TPH2: variants seen among roughly 807,000 people sequenced by gnomAD.
TPH2 encodes the protein tryptophan hydroxylase 2.
In TPH2, 27 loss-of-function variants were observed where a neutral mutation model predicts 59.1. The observed-to-expected ratio is 0.46, with a 90% confidence interval of 0.34 to 0.63. The LOEUF (loss-of-function observed/expected upper bound fraction) is 0.63, where lower values mean the gene tolerates loss of function less well. TPH2 is among the 30% of genes least tolerant of loss of function. TPH2 has a pLI of 0.01. For synonymous variants in TPH2, 220 were observed against 210.5 expected, an observed-to-expected ratio of 1.05 and a Z score of -0.39; for missense variants, 523 against 588.3, an observed-to-expected ratio of 0.89 and a Z score of 1.15.
chr12:72,000,356 T>C lies in TPH2; in HGVS notation c.1068+5791T>C, dbSNP rs528701341. Among the ~76,000 whole-genome samples, 13 of 152,336 alleles carry C rather than the reference T, an allele frequency of 8.5e-5. No homozygotes were observed. The East Asian group carries it at 2.5e-3, about 29-fold the overall frequency. On this transcript the variant is annotated intron_variant, in intron 8 of 10. Coordinates refer to ENST00000333850, the MANE Select transcript of TPH2 (RefSeq NM_173353.4). ...GAACTTTACAGTCTGTGGACCCTAA[T>C]CAATAATAAATAGGAAGTCAGACAA...
At chr12:72,008,399 G>T (rs903939225) in intron 8 of TPH2, among the ~76,000 whole-genome samples, 5 of 152,172 alleles carry the variant, frequency 3.3e-5, no homozygotes, top group African/African-American at 1.2e-4. Flanking sequence ...CCTGAGATGG[G>T]ATGAGTTAGC....
chr12:72,017,485 C>T (rs1873291674), intron 8 of TPH2, among the ~76,000 whole-genome samples: 1 of 152,058 alleles, frequency 6.6e-6, no homozygotes, highest in African/African-American at 2.4e-5. Context: ...TAAATAATTA[C>T]ATGTCATTAA....
intron 8 of TPH2, among the ~76,000 whole-genome samples, chr12:72,000,034 C>T (rs1872783205): frequency 6.6e-6 from 1 of 152,146 alleles, no homozygotes. Flanking sequence ...TAACTTTAAA[C>T]CTGTTACAAA....
intron 7 of TPH2, among the ~76,000 whole-genome samples, chr12:71,990,989 T>C (rs1466415429): frequency 6.6e-6 from 1 of 152,184 alleles, no homozygotes; most frequent in African/African-American, 2.4e-5. Flanking sequence ...ATTGTATGAT[T>C]TTTTTCTTCC....
chr12:71,945,090 A>G (rs950402832), intron 4 of TPH2, among the ~76,000 whole-genome samples: 1 of 152,062 alleles, frequency 6.6e-6, no homozygotes, highest in Non-Finnish European at 1.5e-5. Flanking sequence ...TCTTCCTGCT[A>G]TTTTCCTTGA....
At chr12:71,961,812 C>T in intron 5 of TPH2, 2 of 1,186,560 alleles carry the variant, frequency 1.7e-6, no homozygotes, top group Non-Finnish European at 2.1e-6. Context: ...CAAATAAAAA[C>T]AAATAATTTC....
intron 7 of TPH2, among the ~76,000 whole-genome samples, chr12:71,987,986 G>A (rs1592400013): frequency 6.6e-6 from 1 of 152,192 alleles, no homozygotes; most frequent in Admixed American, 6.5e-5. Context: ...TTAAATAAAA[G>A]TACACATTTG....
At chr12:71,941,403 A>T (rs954604297) in intron 1 of TPH2, among the ~76,000 whole-genome samples, 181 bp from the exon 2 acceptor site, 1 of 152,198 alleles carries the variant, frequency 6.6e-6, no homozygotes, top group African/African-American at 2.4e-5. Flanking sequence ...ATAGTGTCTC[A>T]GAATAAATTA....
intron 5 of TPH2, among the ~76,000 whole-genome samples, chr12:71,960,606 C>A (rs949295035): frequency 2.0e-5 from 3 of 152,018 alleles, no homozygotes; most frequent in African/African-American, 7.2e-5. Context: ...GCTTTTTGGG[C>A]TTGGTGGGTT....
At chr12:72,027,676 T>G (rs1027276510) in intron 9 of TPH2, among the ~76,000 whole-genome samples, 3 of 152,192 alleles carry the variant, frequency 2.0e-5, no homozygotes, top group African/African-American at 7.2e-5. Context: ...AAAAGAAATT[T>G]TTATATTCAA....
chr12:71,998,134 A>C (rs1872736692), intron 8 of TPH2, among the ~76,000 whole-genome samples: 1 of 152,144 alleles, frequency 6.6e-6, no homozygotes, highest in Non-Finnish European at 1.5e-5. Context: ...TTTGGGATGG[A>C]GTAGGGGTGG....
intron 6 of TPH2, among the ~76,000 whole-genome samples, chr12:71,978,358 T>C (rs575264387): frequency 6.6e-6 from 1 of 152,334 alleles, no homozygotes; most frequent in East Asian, 1.9e-4. Context: ...ATAGACTTTA[T>C]TGCATTCTTA....
chr12:72,008,523 G>A (rs911924834), intron 8 of TPH2, among the ~76,000 whole-genome samples: 1 of 152,102 alleles, frequency 6.6e-6, no homozygotes, highest in African/African-American at 2.4e-5. Flanking sequence ...TCTCACAATG[G>A]CACTTCAAGG....
rs562901525 is a variant in TPH2 at position 71,967,288 on chromosome 12, T to A, written c.609-5231T>A. On this transcript the variant is annotated intron_variant, in intron 5 of 10. Coordinates refer to ENST00000333850, the MANE Select transcript of TPH2 (RefSeq NM_173353.4). Reference sequence around the variant, plus strand: ...ATCATCTCCTTTTCTCTAGGAAGAGTGGGGTTTAACCATACAGGCAGACAG... The same window carrying A: ...ATCATCTCCTTTTCTCTAGGAAGAGAGGGGTTTAACCATACAGGCAGACAG... 3.0e-3 allele frequency among the ~76,000 whole-genome samples: 461 copies of A among 152,158 alleles called. 4 individuals carry two copies. Among genetic ancestry groups the A allele is most frequent in the African/African-American group, 0.011 (450 of 41,510 alleles).
intron 2 of TPH2, 120 bp downstream of exon 2, chr12:71,941,853 GA>G (rs1310601225): frequency 8.6e-7 from 1 of 1,164,738 alleles, no homozygotes; most frequent in African/African-American, 1.5e-5. Context: ...AGATTCAAAG[GA>G]ACCAAACTTC....
At chr12:72,024,578 A>C (rs1177854513) in intron 9 of TPH2, among the ~76,000 whole-genome samples, 1 of 152,240 alleles carries the variant, frequency 6.6e-6, no homozygotes. Flanking sequence ...ATTTCCCTGA[A>C]CAAAAGAGTC....
chr12:71,950,808 G>A (rs182927448), intron 5 of TPH2, among the ~76,000 whole-genome samples: 4 of 152,264 alleles, frequency 2.6e-5, no homozygotes, highest in Non-Finnish European at 4.4e-5. Context: ...GGGTCTCAGT[G>A]TGGGCTTTGT....
intron 7 of TPH2, among the ~76,000 whole-genome samples, chr12:71,989,056 AAAG>A (rs1056495830): frequency 1.5e-4 from 23 of 151,458 alleles, no homozygotes; most frequent in South Asian, 2.1e-4. Context: ...GGGAAAAAGC[AAAG>A]AAGATTTTCC....
Position 72,022,247 on chromosome 12 carries a change from A to G in TPH2, c.1069-152A>G. On this transcript the variant is annotated intron_variant, in intron 8 of 10. Transcript: ENST00000333850. ...TAGGGAGAGAATACTGAGCAAGAGA[A>G]TAGATTTCAATAAATGTTCTTGATT... 7.2e-6 allele frequency: 5 copies of G among 690,494 alleles called. No homozygotes were observed. In the South Asian group the frequency reaches 7.9e-5, roughly 11 times the overall value. The allele number at this position is 690,494 out of a possible 1,614,324, so 42.8% of individuals were successfully genotyped here. A position where few individuals can be genotyped will look rare whatever the true frequency, so the allele number is the denominator to read the frequency against.
Sources: gnomAD v4.1 joint callset for allele counts (sites outside exome capture counted in the v4.1 genomes callset) on GRCh38, gnomAD v4.1.1 for gene constraint, MANE v1.5 for transcripts, NCBI Gene and HGNC (gene_info 2026-07-23, HGNC 2026-07-21) for gene names.